NBEAL1: variants seen among roughly 807,000 people sequenced by gnomAD.
NBEAL1 encodes neurobeachin-like protein 1.
Under a neutral mutation model 351.3 loss-of-function variants are expected in NBEAL1, and 273 were observed. The ratio of observed to expected loss-of-function variants is 0.78; its 90% CI spans 0.70 to 0.86. NBEAL1 has a LOEUF of 0.86. Ranked by LOEUF, NBEAL1 falls within the 40% of genes least tolerant of loss-of-function variation. The pLI is 0.00. For missense variants in NBEAL1, 2,961 were observed against 3,201.3 expected, an observed-to-expected ratio of 0.92 and a Z score of 1.81; for synonymous variants, 1,050 against 1,086.4, an observed-to-expected ratio of 0.97 and a Z score of 0.66.
chr2:203,213,701 C>T, intron 55 of NBEAL1, 48 bp downstream of exon 55: 10 of 1,607,994 alleles, frequency 6.2e-6, no homozygotes, highest in Non-Finnish European at 8.5e-6. Flanking sequence ...TTGGGGATTA[C>T]TTTGGTTCTC....
chr2:203,206,707 T>C (rs1285874730), intron 51 of NBEAL1, among the ~76,000 whole-genome samples: 1 of 152,040 alleles, frequency 6.6e-6, no homozygotes, highest in Non-Finnish European at 1.5e-5. Context: ...AGACGGAGTC[T>C]CCTTCACTCA....
chr2:203,208,775 A>G (rs760028810), intron 52 of NBEAL1, 22 bp downstream of exon 52: 3 of 1,504,300 alleles, frequency 2.0e-6, no homozygotes, highest in East Asian at 2.3e-5. Flanking sequence ...CCTTTAAGAA[A>G]TACTATTTAT....
chr2:203,119,540 C>CTCT (rs1418406008), intron 18 of NBEAL1, among the ~76,000 whole-genome samples: 2 of 147,288 alleles, frequency 1.4e-5, no homozygotes, highest in African/African-American at 5.0e-5. Context: ...ATTCTCCTGC[C>CTCT]TCAGCCTCCT....
intron 9 of NBEAL1, 69 bp from the exon 10 acceptor site, chr2:203,084,394 T>G: frequency 1.5e-6 from 1 of 666,290 alleles, no homozygotes; most frequent in Non-Finnish European, 2.3e-6. Flanking sequence ...AGAAAAATGA[T>G]TAGAGTAAAT....
chr2:203,153,972 G>A (rs1217100668), intron 35 of NBEAL1, among the ~76,000 whole-genome samples: 3 of 152,004 alleles, frequency 2.0e-5, no homozygotes, highest in East Asian at 3.9e-4. Context: ...TGAGCCGGGC[G>A]TGGTGGCTCA....
In NBEAL1 at chr2:203,108,065, C is replaced by G. The variant is rs1478904770; in HGVS notation, c.1826C>G (p.Ser609Cys). The change falls in exon 14 of 56, where the codon TCT becomes TGT. Residue 609 changes from serine (S) to cysteine (C), a missense_variant. Transcript: ENST00000683969. ...TTGTCACATAGTATGGCAGGAATTTCTGTGCCTCCCATACAGAAATGGCCA... is the reference window on the plus strand; with the variant it reads ...TTGTCACATAGTATGGCAGGAATTTGTGTGCCTCCCATACAGAAATGGCCA... The part of the protein sequence containing the change: ...FNLSHSMAGI[S>C]VPPIQKWPGS... 6.4e-7 allele frequency: 1 copy of G among 1,552,546 alleles called. No homozygotes were observed. The highest frequency in any genetic ancestry group is 8.7e-7 in the Non-Finnish European group (1 of 1,147,250).
rs1574915603 is a variant in NBEAL1 at position 203,062,442 on chromosome 2, A to G, written c.515+4989A>G. 1 of 379,346 alleles carries G rather than the reference A, an allele frequency of 2.6e-6. No homozygotes were observed. The highest frequency in any genetic ancestry group is 5.1e-6 in the Non-Finnish European group (1 of 194,966). 23.5% of individuals were successfully genotyped at this position (379,346 alleles called of 1,614,324 possible). A position where few individuals can be genotyped will look rare whatever the true frequency, so the allele number is the denominator to read the frequency against. ...GCATGCTCCAGCATCCTGCCCAGGG[A>G]TCTTGCAGGGCCTGCAGGTCACAGG... On this transcript the variant is annotated intron_variant, in intron 6 of 55. Coordinates refer to ENST00000683969, the MANE Select transcript of NBEAL1 (RefSeq NM_001378026.1). The surrounding 1 kb of genome is among the most constrained non-coding windows in gnomAD (Gnocchi z 4.2).
At chr2:203,102,637 T>C (rs2062350431) in intron 12 of NBEAL1, among the ~76,000 whole-genome samples, 1 of 152,250 alleles carries the variant, frequency 6.6e-6, no homozygotes, top group South Asian at 2.1e-4. Flanking sequence ...TGAACCAACA[T>C]TGCATCCCAT....
intron 47 of NBEAL1, among the ~76,000 whole-genome samples, chr2:203,194,548 AC>A (rs1257050380): frequency 6.6e-6 from 1 of 152,052 alleles, no homozygotes; most frequent in African/African-American, 2.4e-5. Context: ...AGGTTGGTAA[AC>A]TCTTTCTTGT....
chr2:203,201,646 T>A lies in NBEAL1; in HGVS notation c.7342T>A (p.Trp2448Arg). 1 of 1,612,430 alleles carries A rather than the reference T, an allele frequency of 6.2e-7. No individual in the cohort carries two copies. Among genetic ancestry groups the A allele is most frequent in the Non-Finnish European group, 8.5e-7 (1 of 1,179,010 alleles). Reference protein sequence around the residue: ...DAKLLFSAGYWDNSIQVMSLT... With the variant: ...DAKLLFSAGYRDNSIQVMSLT... ...AAAGTTGCTCTTCAGTGCTGGATAC[T>A]GGGATAATAGCATTCAAGTGATGTC... Residue 2448 changes from tryptophan to arginine, a missense_variant, in exon 50 of 56, where the codon TGG becomes AGG. Transcript: ENST00000683969.
intron 2 of NBEAL1, among the ~76,000 whole-genome samples, chr2:203,028,171 T>C (rs978122199): frequency 2.0e-5 from 3 of 151,746 alleles, no homozygotes; most frequent in African/African-American, 7.3e-5. Flanking sequence ...TGTGAGCCAC[T>C]GAGCCTGGCC....
At position 203,112,089 on chromosome 2, in the gene NBEAL1, CATGA is replaced by C. The variant is rs764205957; in HGVS notation, c.2199_2202del (p.Glu734ProfsTer56). The stretch of plus-strand genomic sequence containing the variant: ...TTTCTGCCCCTCTCAGATTTCCTGC[CATGA>C]ATGAAGTAAGTATATCCAACCTACT... On this transcript the variant is annotated frameshift_variant, in exon 16 of 56. Coordinates refer to ENST00000683969, the MANE Select transcript of NBEAL1 (RefSeq NM_001378026.1). LOFTEE classifies it high-confidence loss of function. 24 of 1,551,636 alleles carry C rather than the reference CATGA, an allele frequency of 1.5e-5. No individual in the cohort carries two copies. The highest frequency in any genetic ancestry group is 2.0e-5 in the Non-Finnish European group (23 of 1,147,038).
chr2:203,039,506 C>T (rs1016812140), intron 2 of NBEAL1, among the ~76,000 whole-genome samples: 10 of 147,060 alleles, frequency 6.8e-5, no homozygotes, highest in African/African-American at 2.5e-4. Flanking sequence ...TGGGTTCAAG[C>T]AATTCTCATG....
intron 2 of NBEAL1, among the ~76,000 whole-genome samples, chr2:203,023,199 A>G (rs2060796775): frequency 1.3e-5 from 2 of 152,208 alleles, no homozygotes; most frequent in South Asian, 4.1e-4. Context: ...AGATGGACCA[A>G]TACATATCAA....
Position 203,035,250 on chromosome 2 carries a change from G to C in NBEAL1, c.52-6515G>C, listed in dbSNP as rs1269323612. ...CCCATATTGTATAGCACAGCTCTAAGTTAAGTGTTCAGACTTCATCCTTTA... is the reference window on the plus strand; with the variant it reads ...CCCATATTGTATAGCACAGCTCTAACTTAAGTGTTCAGACTTCATCCTTTA... On this transcript the variant is annotated intron_variant, in intron 2 of 55. Transcript: ENST00000683969. Among the ~76,000 whole-genome samples the C allele has an allele frequency of 2.7e-5, 4 of 149,238 alleles. 2 individuals carry two copies. Among genetic ancestry groups the C allele is most frequent in the Non-Finnish European group, 6.0e-5 (4 of 66,566 alleles).
intron 18 of NBEAL1, among the ~76,000 whole-genome samples, chr2:203,117,861 G>A (rs1009024480): frequency 2.3e-5 from 3 of 128,778 alleles, no homozygotes; most frequent in African/African-American, 8.7e-5. Flanking sequence ...TTTTTTTTTT[G>A]TATTTTTTAT....
In NBEAL1 at chr2:203,144,648, G is replaced by A; in HGVS notation, c.4897G>A (p.Val1633Met). 1.2e-6 allele frequency: 2 copies of A among 1,614,112 alleles called. No homozygotes were observed. Among genetic ancestry groups the A allele is most frequent in the Non-Finnish European group, 1.7e-6 (2 of 1,179,964 alleles). Reference protein sequence around the residue: ...AKLNTLLQTKVIENQDEACYI... With the variant: ...AKLNTLLQTKMIENQDEACYI... Reference sequence around the variant, plus strand: ...GCTAAATACCCTTCTTCAGACCAAAGTGATTGAAAATCAGGATGAAGCATG... The same window carrying A: ...GCTAAATACCCTTCTTCAGACCAAAATGATTGAAAATCAGGATGAAGCATG... The change falls in exon 32 of 56, where the codon GTG becomes ATG. Residue 1633 changes from valine to methionine, a missense_variant. Physicochemically the swap from Val to Met is conservative, Grantham distance 21. Coordinates refer to ENST00000683969, the MANE Select transcript of NBEAL1 (RefSeq NM_001378026.1).
At chr2:203,198,174 A>G (rs2065292017) in intron 48 of NBEAL1, among the ~76,000 whole-genome samples, 1 of 151,488 alleles carries the variant, frequency 6.6e-6, no homozygotes, top group Non-Finnish European at 1.5e-5. Flanking sequence ...CACCATGGCC[A>G]GCTAATTTTT....
intron 2 of NBEAL1, among the ~76,000 whole-genome samples, chr2:203,023,660 C>A (rs1226592874): frequency 2.0e-5 from 3 of 151,038 alleles, no homozygotes; most frequent in African/African-American, 4.9e-5. Flanking sequence ...TCTTCCCATG[C>A]ACAGTTAGCT....
Sources: allele counts gnomAD v4.1 joint callset (sites outside exome capture counted in the v4.1 genomes callset), GRCh38; gene constraint gnomAD v4.1.1; non-coding constraint Gnocchi (gnomAD v3.1); transcripts MANE v1.5; gene names NCBI Gene and HGNC (gene_info 2026-07-23, HGNC 2026-07-21).